The following SPEF2 variants were observed in gnomAD, a reference collection of about 807,000 sequenced individuals.
SPEF2 encodes sperm flagella and cilia-associated protein 2.
In SPEF2, 187 loss-of-function variants were observed where a neutral mutation model predicts 224.6. The ratio of observed to expected loss-of-function variants is 0.83; its 90% CI spans 0.74 to 0.94. The LOEUF (loss-of-function observed/expected upper bound fraction) is 0.94. SPEF2 is among the 40% of genes least tolerant of loss of function. The pLI is 0.00. For synonymous variants in SPEF2, 715 were observed against 707.3 expected, an observed-to-expected ratio of 1.01 and a Z score of -0.17; for missense variants, 2,170 against 2,135.6, an observed-to-expected ratio of 1.02 and a Z score of -0.32.
At position 35,807,206 on chromosome 5, in the gene SPEF2, C is replaced by G; in HGVS notation, c.5332C>G (p.Pro1778Ala). 6.2e-7 allele frequency: 1 copy of G among 1,613,836 alleles called. No homozygotes were observed. Among genetic ancestry groups the G allele is most frequent in the Non-Finnish European group, 8.5e-7 (1 of 1,179,924 alleles). Residue 1778 changes from proline to alanine, a missense_variant, in exon 36 of 37, where the codon CCT (proline) becomes GCT (alanine). Pro to Ala is a conservative substitution (Grantham distance 27, BLOSUM62 -1). Transcript: ENST00000356031. ...TGAAGTCGCTGTTCTCTTGAAGCAT[C>G]CTTTTATTCAAGACCTGATTTCAAA... Reference protein sequence around the residue: ...PIEVAVLLKHPFIQDLISNYS... With the variant: ...PIEVAVLLKHAFIQDLISNYS...
chr5:35,670,059 T>G lies in SPEF2; in HGVS notation c.1356T>G (p.Asn452Lys). The change falls in exon 10 of 37, where the codon AAT (asparagine) becomes AAG (lysine). Residue 452 changes from asparagine to lysine, a missense_variant and splice_region_variant. Coordinates refer to ENST00000356031, the MANE Select transcript of SPEF2 (RefSeq NM_024867.4). The stretch of plus-strand genomic sequence containing the variant: ...TCTCTACCTTTTTTTTGTGCGATAG[T>G]CTGATTCCGTATAAGTTGATGCATG... ...KVADYRMLTN[N>K]LIPYKLMHDW... The G allele has an allele frequency of 6.3e-7, 1 of 1,596,120 alleles. No individual in the cohort carries two copies. The highest frequency in any genetic ancestry group is 8.5e-7 in the Non-Finnish European group (1 of 1,173,696).
intron 16 of SPEF2, among the ~76,000 whole-genome samples, chr5:35,704,233 T>A (rs1339893190): frequency 1.3e-5 from 2 of 151,806 alleles, no homozygotes; most frequent in African/African-American, 4.8e-5. Context: ...ATCACTGTGT[T>A]AATTTTTCCT....
intron 19 of SPEF2, 159 bp downstream of exon 19, chr5:35,709,280 G>T: frequency 6.9e-7 from 1 of 1,445,410 alleles, no homozygotes; most frequent in Non-Finnish European, 9.0e-7. Context: ...CCTCGGAGTA[G>T]CTAAAAGCGT....
At chr5:35,773,784 T>C in intron 27 of SPEF2, 109 bp from the exon 28 acceptor site, 1 of 1,274,368 alleles carries the variant, frequency 7.8e-7, no homozygotes, top group Non-Finnish European at 1.0e-6. Flanking sequence ...TCCGAATCAC[T>C]AGAGGTTTAT....
chr5:35,771,034 C>T (rs1263024496), intron 26 of SPEF2, among the ~76,000 whole-genome samples: 1 of 152,082 alleles, frequency 6.6e-6, no homozygotes, highest in Admixed American at 6.6e-5. Flanking sequence ...ACAGGGCATG[C>T]TGTCCCAAAA....
intron 30 of SPEF2, among the ~76,000 whole-genome samples, chr5:35,782,086 G>A (rs1017785436): frequency 3.3e-4 from 50 of 152,082 alleles, no homozygotes; most frequent in African/African-American, 1.2e-3. Context: ...ACCCCGGTTT[G>A]GCAATTGTTC....
intron 18 of SPEF2, 73 bp from the exon 19 acceptor site, chr5:35,708,875 T>C: frequency 2.3e-6 from 3 of 1,331,628 alleles, no homozygotes; most frequent in South Asian, 2.8e-5. Context: ...TAATTTAGAT[T>C]TCTCTTAGTT....
intron 36 of SPEF2, chr5:35,807,912 A>T: frequency 6.9e-7 from 1 of 1,441,540 alleles, no homozygotes; most frequent in African/African-American, 1.4e-5. Flanking sequence ...ACCCCCTTTC[A>T]TACTGTAGCA....
Position 35,749,083 on chromosome 5 carries a change from A to G in SPEF2, c.3331-4541A>G, listed in dbSNP as rs888879632. Among the ~76,000 whole-genome samples, 39 of 151,838 alleles carry G rather than the reference A, an allele frequency of 2.6e-4. 1 individual carries two copies. The highest frequency in any genetic ancestry group is 1.9e-4 in the East Asian group (1 of 5,192). On this transcript the variant is annotated intron_variant, in intron 23 of 36. Transcript: ENST00000356031. ...CATAAACAGAATTAAAAACAAAAAT[A>G]TGTGATCAATAGATGCAGAAAAAGA...
rs371250406 is a variant in SPEF2, at chr5:35,651,887, C to G, written c.791+2462C>G. 1.9e-3 allele frequency among the ~76,000 whole-genome samples: 296 copies of G among 152,260 alleles called. 2 individuals are homozygous for G. The highest frequency in any genetic ancestry group is 6.7e-3 in the African/African-American group (279 of 41,548). On this transcript the variant is annotated intron_variant, in intron 6 of 36. Transcript: ENST00000356031. Reference sequence around the variant, plus strand: ...AGAGCCCTCATGGCTGGTTTTTCCCCGTGTAACAAGGTTCCTCCATTTTTT... The same window carrying G: ...AGAGCCCTCATGGCTGGTTTTTCCCGGTGTAACAAGGTTCCTCCATTTTTT...
rs530741318 is a variant in SPEF2, at chr5:35,656,966, C to A, written c.979-2053C>A. ...TGAGCCCAGGCTCCTGTGCAACTGA[C>A]ACAAGAGATCCTGGTCCACAGTGGT... On this transcript the variant is annotated intron_variant, in intron 7 of 36. Transcript: ENST00000356031. Among the ~76,000 whole-genome samples, 6 of 152,332 alleles carry A rather than the reference C, an allele frequency of 3.9e-5. No individual in the cohort carries two copies. In the South Asian group the frequency reaches 1.2e-3, roughly 32 times the overall value.
intron 23 of SPEF2, among the ~76,000 whole-genome samples, chr5:35,752,943 T>C (rs1749890382): frequency 6.7e-6 from 1 of 149,632 alleles, no homozygotes; most frequent in Non-Finnish European, 1.5e-5. Context: ...ATTAAATATA[T>C]ATAATGTATT....
intron 4 of SPEF2, 122 bp downstream of exon 4, chr5:35,644,647 C>CAAAGTCATGCA: frequency 1.5e-6 from 1 of 675,030 alleles, no homozygotes; most frequent in Non-Finnish European, 2.3e-6. Flanking sequence ...TGATGCATGA[C>CAAAGTCATGCA]TTTGTCCTGC....
chr5:35,704,778 C>T, intron 17 of SPEF2, 116 bp downstream of exon 17: 2 of 687,592 alleles, frequency 2.9e-6, no homozygotes, highest in Non-Finnish European at 5.1e-6. Context: ...CAATCTTTTA[C>T]AGGTAAAAGA....
At chr5:35,675,957 G>A in intron 10 of SPEF2, 1 of 456,192 alleles carries the variant, frequency 2.2e-6, no homozygotes, top group Non-Finnish European at 4.4e-6. Context: ...TCATGTGAAG[G>A]GTATTTGGCT....
intron 26 of SPEF2, among the ~76,000 whole-genome samples, chr5:35,770,519 C>T (rs1294548500): frequency 1.3e-5 from 2 of 152,120 alleles, no homozygotes; most frequent in Non-Finnish European, 2.9e-5. Flanking sequence ...CCCACATACT[C>T]ACCCACCCCA....
chr5:35,799,653 G>A (rs1452761727), intron 33 of SPEF2, among the ~76,000 whole-genome samples: 1 of 151,996 alleles, frequency 6.6e-6, no homozygotes, highest in Non-Finnish European at 1.5e-5. Context: ...AGATAGATGG[G>A]TCCTTGTGCT....
In SPEF2 at chr5:35,669,844, T is replaced by C. The variant is rs1253768671; in HGVS notation, c.1356-215T>C. 2.0e-5 allele frequency among the ~76,000 whole-genome samples: 3 copies of C among 152,054 alleles called. No individual in the cohort carries two copies. The East Asian group carries it at 5.8e-4, about 29-fold the overall frequency. On this transcript the variant is annotated intron_variant, in intron 9 of 36. Transcript: ENST00000356031. ...TTTCAAGGCCCCTTTAAGAGAAAAG[T>C]AGGTTTACATTTTGTAAATTATTTG...
At chr5:35,793,895 A>G (rs1380216990) in intron 32 of SPEF2, among the ~76,000 whole-genome samples, 2 of 152,210 alleles carry the variant, frequency 1.3e-5, no homozygotes, top group Non-Finnish European at 2.9e-5. Context: ...TATGGCCCAT[A>G]CAGAAGGGAT....
Sources: gnomAD v4.1 joint callset for allele counts (sites outside exome capture counted in the v4.1 genomes callset) on GRCh38, gnomAD v4.1.1 for gene constraint, MANE v1.5 for transcripts, NCBI Gene and HGNC (gene_info 2026-07-23, HGNC 2026-07-21) for gene names.